The following ME1 variants were observed in gnomAD, a reference collection of about 807,000 sequenced individuals.
ME1 encodes the protein malic enzyme 1.
Under a neutral mutation model 66.4 loss-of-function variants are expected in ME1, and 74 were observed. The ratio of observed to expected loss-of-function variants is 1.11; its 90% CI spans 0.92 to 1.35. The LOEUF (loss-of-function observed/expected upper bound fraction) is 1.35. ME1 is among the 40% of genes most tolerant of loss of function. The pLI is 0.00. For missense variants in ME1, 750 were observed against 694.1 expected, an observed-to-expected ratio of 1.08 and a Z score of -0.90; for synonymous variants, 251 against 235.6, an observed-to-expected ratio of 1.07 and a Z score of -0.60.
At position 83,235,249 on chromosome 6, in the gene ME1, C is replaced by G. The variant is rs148284562; in HGVS notation, c.1026+2468G>C. On this transcript the variant is annotated intron_variant, in intron 9 of 13. Coordinates refer to ENST00000369705, the MANE Select transcript of ME1 (RefSeq NM_002395.6). ...CACCATGAACATATTTTTTATAATA[C>G]TTTCATATGGTTCTAGTTCTGTAAC... is the stretch of plus-strand genomic sequence containing the variant. 1.0e-2 allele frequency among the ~76,000 whole-genome samples: 1,521 copies of G among 152,174 alleles called. 9 individuals are homozygous for G. Among genetic ancestry groups the G allele is most frequent in the South Asian group, 0.032 (152 of 4,820 alleles).
At chr6:83,333,537 C>A (rs746095125) in intron 5 of ME1, among the ~76,000 whole-genome samples, 1 of 152,136 alleles carries the variant, frequency 6.6e-6, no homozygotes, top group Non-Finnish European at 1.5e-5. Context: ...TCTTCACACA[C>A]ATTATGAGTT....
At position 83,331,208 on chromosome 6, in the gene ME1, G is replaced by A. The variant is rs554343318; in HGVS notation, c.600+14965C>T. On this transcript the variant is annotated intron_variant, in intron 5 of 13. Coordinates refer to ENST00000369705, the MANE Select transcript of ME1 (RefSeq NM_002395.6). ...TAATCCCAGTACCTCAGAATGTGAC[G>A]TATTTGGAGACAGAGTATTTAAAGA... Among the ~76,000 whole-genome samples, 179 of 152,242 alleles carry A rather than the reference G, an allele frequency of 1.2e-3. 1 individual carries two copies. Among genetic ancestry groups the A allele is most frequent in the African/African-American group, 4.2e-3 (173 of 41,554 alleles).
At chr6:83,368,028 G>A (rs1253192217) in intron 3 of ME1, among the ~76,000 whole-genome samples, 1 of 152,004 alleles carries the variant, frequency 6.6e-6, no homozygotes, top group Admixed American at 6.6e-5. Context: ...GTTATTAACT[G>A]GGTTAATTTC....
At chr6:83,309,047 G>C (rs116464651) in intron 6 of ME1, among the ~76,000 whole-genome samples, 2,188 of 152,180 alleles carry the variant, frequency 0.014, 53 homozygotes, top group African/African-American at 0.049. Context: ...AGTGGGCAAG[G>C]GGGGAAACTA....
In ME1 at chr6:83,211,015, C is replaced by T. The variant is rs933147626; in HGVS notation, c.*909G>A. Reference sequence around the variant, plus strand: ...TAAGAGGCCATTCTGGCAGGTAACTCCAGTAGGAACCTAACTTGTTGTCTT... The same window carrying T: ...TAAGAGGCCATTCTGGCAGGTAACTTCAGTAGGAACCTAACTTGTTGTCTT... On this transcript the variant is annotated 3_prime_UTR_variant, in exon 14 of 14. Transcript: ENST00000369705. 2.0e-5 allele frequency: 3 copies of T among 152,194 alleles called. No individual in the cohort carries two copies. Among genetic ancestry groups the T allele is most frequent in the Non-Finnish European group, 4.4e-5 (3 of 68,030 alleles). 9.4% of individuals were successfully genotyped at this position (152,194 alleles called of 1,614,324 possible).
chr6:83,249,667 T>C (rs796991528), intron 7 of ME1, among the ~76,000 whole-genome samples: 6 of 152,344 alleles, frequency 3.9e-5, no homozygotes, highest in African/African-American at 1.4e-4. Context: ...TCATTTCCAA[T>C]AGCATTCACC....
At chr6:83,273,727 C>T (rs1313635401) in intron 6 of ME1, among the ~76,000 whole-genome samples, 4 of 152,124 alleles carry the variant, frequency 2.6e-5, no homozygotes, top group East Asian at 1.9e-4. Context: ...GATTTTATGT[C>T]AGCTGACAAG....
In ME1 at chr6:83,342,242, C is replaced by G. The variant is rs940350208; in HGVS notation, c.600+3931G>C. 2.2e-4 allele frequency among the ~76,000 whole-genome samples: 33 copies of G among 152,198 alleles called. 1 individual carries two copies. Among genetic ancestry groups the G allele is most frequent in the African/African-American group, 7.0e-4 (29 of 41,444 alleles). ...CCAGGTCCTTGAGCGGCTGCTCAGG[C>G]CTGCTCCCACCCTGTGGAGTATGCT... On this transcript the variant is annotated intron_variant, in intron 5 of 13. Coordinates refer to ENST00000369705, the MANE Select transcript of ME1 (RefSeq NM_002395.6).
At chr6:83,377,138 A>G (rs1029509619) in intron 3 of ME1, among the ~76,000 whole-genome samples, 6 of 152,216 alleles carry the variant, frequency 3.9e-5, no homozygotes, top group African/African-American at 1.4e-4. Context: ...CAGATATTAG[A>G]CCATTTGAAA....
intron 5 of ME1, among the ~76,000 whole-genome samples, chr6:83,341,115 T>G (rs1768573037): frequency 6.6e-6 from 1 of 151,994 alleles, no homozygotes; most frequent in South Asian, 2.1e-4. Flanking sequence ...GGAGACTGAG[T>G]TCAACCACCT....
intron 6 of ME1, among the ~76,000 whole-genome samples, chr6:83,284,010 C>A (rs1767353784): frequency 6.6e-6 from 1 of 152,034 alleles, no homozygotes; most frequent in African/African-American, 2.4e-5. Flanking sequence ...AAGGAAAAAG[C>A]AAGAAGAACC....
chr6:83,285,170 A>G (rs1392744308), intron 6 of ME1, among the ~76,000 whole-genome samples: 1 of 152,226 alleles, frequency 6.6e-6, no homozygotes, highest in Admixed American at 6.5e-5. Context: ...AGTATAATAT[A>G]TATTTAACAG....
intron 6 of ME1, among the ~76,000 whole-genome samples, chr6:83,307,273 T>C (rs183069630): frequency 6.6e-6 from 1 of 151,990 alleles, no homozygotes; most frequent in African/African-American, 2.4e-5. Context: ...AGTTGGGATT[T>C]TAAGGAAAAT....
intron 4 of ME1, among the ~76,000 whole-genome samples, chr6:83,350,242 A>T (rs1401704839): frequency 2.6e-5 from 4 of 152,208 alleles, no homozygotes. Context: ...TTTTAAATAA[A>T]AGAGGGCATA....
intron 6 of ME1, among the ~76,000 whole-genome samples, chr6:83,299,008 G>A (rs1767661795): frequency 8.2e-6 from 1 of 122,652 alleles, no homozygotes; most frequent in South Asian, 2.8e-4. Context: ...GTAGCCTTGT[G>A]TATAGTTTGA....
At chr6:83,395,096 G>GT (rs535132622) in intron 3 of ME1, among the ~76,000 whole-genome samples, 273 of 145,870 alleles carry the variant, frequency 1.9e-3, no homozygotes, top group African/African-American at 3.9e-3. Context: ...TGTTTTTTTG[G>GT]TTTTTTTTTT....
At chr6:83,406,536 C>T (rs1446666769) in intron 2 of ME1, among the ~76,000 whole-genome samples, 3 of 152,076 alleles carry the variant, frequency 2.0e-5, no homozygotes, top group East Asian at 3.9e-4. Context: ...ATTTTTACGA[C>T]CTAATCATCA....
At chr6:83,408,995 C>T (rs553290701) in intron 1 of ME1, among the ~76,000 whole-genome samples, 1 of 152,242 alleles carries the variant, frequency 6.6e-6, no homozygotes, top group African/African-American at 2.4e-5. Context: ...GTGATTAGGT[C>T]ATGAGAGCAG....
At chr6:83,244,936 C>T (rs1279800764) in intron 7 of ME1, among the ~76,000 whole-genome samples, 1 of 151,948 alleles carries the variant, frequency 6.6e-6, no homozygotes, top group Admixed American at 6.6e-5. Context: ...AAAGGTCAAT[C>T]AAGAAAGAAA....
Sources: gnomAD v4.1 joint callset for allele counts (sites outside exome capture counted in the v4.1 genomes callset) on GRCh38, gnomAD v4.1.1 for gene constraint, MANE v1.5 for transcripts, NCBI Gene and HGNC (gene_info 2026-07-23, HGNC 2026-07-21) for gene names.